CLIP4: variants seen among roughly 807,000 people sequenced by gnomAD.
The protein encoded by CLIP4 is CAP-Gly domain-containing linker protein 4.
In CLIP4, 47 loss-of-function variants were observed where a neutral mutation model predicts 73.1. That is an observed-to-expected ratio of 0.64 (90% CI 0.51 to 0.82). The LOEUF is 0.82. Among genes scored for constraint, CLIP4 ranks in the 40% least tolerant of loss-of-function variants. CLIP4 has a pLI of 0.00. For missense variants in CLIP4, 874 were observed against 852.9 expected, an observed-to-expected ratio of 1.02 and a Z score of -0.31; for synonymous variants, 306 against 295.4, an observed-to-expected ratio of 1.04 and a Z score of -0.37.
Position 29,121,476 on chromosome 2 carries a change from CCA to C in CLIP4, c.89_90del (p.Pro30ArgfsTer15). ...ATTTATATTTTCTGCTTCTGATACC[CCA>C]GTTATCTTTTCCATTTCTGCAGCAC... is the stretch of plus-strand genomic sequence containing the variant. Reference protein sequence around the residue: ...YPFIFSASDTPVIFSISAAPM... With the variant: ...YPFIFSASDTXVIFSISAAPM... On this transcript the variant is annotated frameshift_variant, in exon 2 of 16. Transcript: ENST00000320081. LOFTEE classifies it high-confidence loss of function. The C allele has an allele frequency of 6.2e-7, 1 of 1,613,724 alleles. No homozygotes were observed. Among genetic ancestry groups the C allele is most frequent in the Non-Finnish European group, 8.5e-7 (1 of 1,179,844 alleles).
chr2:29,126,387 T>G (rs546631212), intron 2 of CLIP4, among the ~76,000 whole-genome samples: 8 of 152,212 alleles, frequency 5.3e-5, no homozygotes, highest in Non-Finnish European at 8.8e-5. Context: ...ACTTTCCAGT[T>G]GTGTGATTTT....
intron 6 of CLIP4, among the ~76,000 whole-genome samples, chr2:29,141,048 G>T (rs1007703405): frequency 6.6e-6 from 1 of 151,388 alleles, no homozygotes; most frequent in African/African-American, 2.4e-5. Context: ...TTGTTTCAAA[G>T]GATTTTTTTT....
At chr2:29,143,227 C>T (rs1379899869) in intron 6 of CLIP4, among the ~76,000 whole-genome samples, 1 of 152,186 alleles carries the variant, frequency 6.6e-6, no homozygotes, top group Non-Finnish European at 1.5e-5. Flanking sequence ...CTGAGCACCG[C>T]TCCCCACATG....
At chr2:29,165,093 A>G (rs1454165809) in intron 13 of CLIP4, among the ~76,000 whole-genome samples, 1 of 152,198 alleles carries the variant, frequency 6.6e-6, no homozygotes, top group Admixed American at 6.5e-5. Flanking sequence ...GTAAGTTATT[A>G]GGATCATTCC....
chr2:29,147,501 C>A (rs60698054), intron 8 of CLIP4, among the ~76,000 whole-genome samples: 2,117 of 152,058 alleles, frequency 0.014, 55 homozygotes, highest in African/African-American at 0.048. Flanking sequence ...ATAATTCTTC[C>A]TAATCTAAGG....
At position 29,133,746 on chromosome 2, in the gene CLIP4, T is replaced by A; in HGVS notation, c.459T>A (p.Ala153=). The part of the protein sequence containing the change: ...SLRSRWTNMN[A]LHYAAYFDVP... The stretch of plus-strand genomic sequence containing the variant: ...GGAGTCGCTGGACAAACATGAATGC[T>A]TTGCATTATGCTGCTTATTTTGATG... The change falls in exon 5 of 16, where the codon GCT becomes GCA. Residue 153 remains alanine, a synonymous_variant. Transcript: ENST00000320081. 6.2e-7 allele frequency: 1 copy of A among 1,613,718 alleles called. No homozygotes were observed. The highest frequency in any genetic ancestry group is 8.5e-7 in the Non-Finnish European group (1 of 1,179,854).
At position 29,170,862 on chromosome 2, in the gene CLIP4, T is replaced by G. The variant is rs1164073600; in HGVS notation, c.1723+3322T>G. Among the ~76,000 whole-genome samples, 3 of 152,298 alleles carry G rather than the reference T, an allele frequency of 2.0e-5. No homozygotes were observed. The East Asian group carries it at 5.8e-4, about 29-fold the overall frequency. ...ATTAGGTGTTGAAAAGACTGTCTTT[T>G]TTCCATTGAATTGCCTTTGCTCTTT... is the stretch of plus-strand genomic sequence containing the variant. On this transcript the variant is annotated intron_variant, in intron 14 of 15. Coordinates refer to ENST00000320081, the MANE Select transcript of CLIP4 (RefSeq NM_024692.6).
chr2:29,140,007 G>C (rs758356635), intron 6 of CLIP4, among the ~76,000 whole-genome samples: 1 of 151,068 alleles, frequency 6.6e-6, no homozygotes, highest in Non-Finnish European at 1.5e-5. Context: ...TTATTTTTTT[G>C]ACTAGCTTTG....
chr2:29,160,952 T>C (rs1330792163), intron 12 of CLIP4, among the ~76,000 whole-genome samples: 2 of 152,070 alleles, frequency 1.3e-5, no homozygotes, highest in African/African-American at 4.8e-5. Context: ...ATACGTAACA[T>C]TGTTTCCAAA....
rs1046160213 is a variant in CLIP4 at position 29,159,786 on chromosome 2, G to A, written c.1400-547G>A. Among the ~76,000 whole-genome samples, 4 of 151,308 alleles carry A rather than the reference G, an allele frequency of 2.6e-5. No homozygotes were observed. In the South Asian group the frequency reaches 8.4e-4, roughly 32 times the overall value. ...ATACTATAATTCTAGTATTTTAGTA[G>A]AATAGAAATTGTCAAACTATGGCCC... On this transcript the variant is annotated intron_variant, in intron 11 of 15. Coordinates refer to ENST00000320081, the MANE Select transcript of CLIP4 (RefSeq NM_024692.6).
chr2:29,173,317 AGT>A (rs1379283713), intron 14 of CLIP4, among the ~76,000 whole-genome samples: 4 of 152,260 alleles, frequency 2.6e-5, no homozygotes, highest in Non-Finnish European at 4.4e-5. Flanking sequence ...GGTTGACATA[AGT>A]GACTTTCCTT....
chr2:29,125,347 TCAAGTATTTCCTCA>T (rs1031556270), intron 2 of CLIP4, among the ~76,000 whole-genome samples: 2 of 152,200 alleles, frequency 1.3e-5, no homozygotes, highest in African/African-American at 4.8e-5. Flanking sequence ...TTCCCTTACT[TCAAGTATTTCCTCA>T]CAAGCATATG....
At chr2:29,152,867 T>C (rs1411068839) in intron 9 of CLIP4, 39 bp downstream of exon 9, 1 of 1,594,236 alleles carries the variant, frequency 6.3e-7, no homozygotes, top group Non-Finnish European at 8.5e-7. Flanking sequence ...GCTTCAGTGT[T>C]TTAATTTTAT....
intron 14 of CLIP4, among the ~76,000 whole-genome samples, chr2:29,168,399 C>T (rs1317309465): frequency 6.6e-6 from 1 of 151,626 alleles, no homozygotes; most frequent in Non-Finnish European, 1.5e-5. Flanking sequence ...AAATATCTTG[C>T]CGAGGTCATT....
chr2:29,106,169 A>G (rs1299922099), intron 1 of CLIP4, among the ~76,000 whole-genome samples: 1 of 151,786 alleles, frequency 6.6e-6, no homozygotes, highest in Admixed American at 6.6e-5. Context: ...CTGCTCTATG[A>G]CCTGATTTCT....
At chr2:29,107,662 C>G (rs1197096986) in intron 1 of CLIP4, among the ~76,000 whole-genome samples, 1 of 149,204 alleles carries the variant, frequency 6.7e-6, no homozygotes, top group Non-Finnish European at 1.5e-5. Flanking sequence ...GCATGAGCCA[C>G]CACGCCTGGC....
intron 7 of CLIP4, among the ~76,000 whole-genome samples, chr2:29,144,833 C>G (rs1666038139): frequency 8.6e-6 from 1 of 116,338 alleles, no homozygotes; most frequent in Admixed American, 1.0e-4. Context: ...AGAAGAGTCT[C>G]ACTTTGATGC....
chr2:29,180,364 T>C (rs1327080391), intron 15 of CLIP4, among the ~76,000 whole-genome samples: 1 of 152,132 alleles, frequency 6.6e-6, no homozygotes, highest in African/African-American at 2.4e-5. Context: ...CTTGGATGAG[T>C]GCACTGGGGA....
intron 1 of CLIP4, among the ~76,000 whole-genome samples, chr2:29,104,680 C>CTG (rs147451499): frequency 0.036 from 5,520 of 152,236 alleles, 289 homozygotes; most frequent in African/African-American, 0.11. Context: ...CTGAGTATGA[C>CTG]GAAGCCTTTG....
Sources: gnomAD v4.1 joint callset for allele counts (sites outside exome capture counted in the v4.1 genomes callset) on GRCh38, gnomAD v4.1.1 for gene constraint, MANE v1.5 for transcripts, NCBI Gene and HGNC (gene_info 2026-07-23, HGNC 2026-07-21) for gene names.